RAB22A: variants seen among roughly 807,000 people sequenced by gnomAD.
The protein encoded by RAB22A is ras-related protein Rab-22A.
In RAB22A, 13 loss-of-function variants were observed where a neutral mutation model predicts 30.2. The ratio of observed to expected loss-of-function variants is 0.43; its 90% CI spans 0.28 to 0.68. The LOEUF is 0.68. RAB22A is among the 30% of genes least tolerant of loss of function. The pLI is 0.18. For synonymous variants in RAB22A, 89 were observed against 87.2 expected (o/e 1.02, Z -0.11); for missense variants, 177 against 246.8 (o/e 0.72, Z 1.89).
intron 3 of RAB22A, 78 bp downstream of exon 3, chr20:58,343,877 T>C: frequency 8.8e-7 from 1 of 1,141,848 alleles, no homozygotes; most frequent in Non-Finnish European, 1.3e-6. Flanking sequence ...ATCCCTGTCA[T>C]CTCACGTTAC....
intron 2 of RAB22A, among the ~76,000 whole-genome samples, chr20:58,316,647 A>G (rs982526702): frequency 2.0e-5 from 3 of 152,164 alleles, no homozygotes; most frequent in African/African-American, 7.2e-5. Flanking sequence ...CACGTGGGTG[A>G]GTCCTACTGC....
intron 2 of RAB22A, among the ~76,000 whole-genome samples, chr20:58,336,259 G>C (rs981192674): frequency 6.6e-6 from 1 of 152,124 alleles, no homozygotes; most frequent in African/African-American, 2.4e-5. Context: ...TGATCCACTC[G>C]CCTTGGCCTT....
chr20:58,343,152 CGTCAGGGG>C (rs1447545492), intron 2 of RAB22A, among the ~76,000 whole-genome samples: 1 of 152,062 alleles, frequency 6.6e-6, no homozygotes, highest in East Asian at 1.9e-4. Flanking sequence ...TGCAGGTGGT[CGTCAGGGG>C]CACTGATGAT....
chr20:58,320,982 C>T lies in RAB22A; in HGVS notation c.116+9860C>T, dbSNP rs144002212. ...CGAGGCGGGTAGATCATGGGGTCAA[C>T]AGATCGAGACCATCCTGGCCAACAT... On this transcript the variant is annotated intron_variant, in intron 2 of 6. Transcript: ENST00000244040. Among the ~76,000 whole-genome samples the T allele has an allele frequency of 9.3e-3, 1,415 of 151,776 alleles. 23 individuals are homozygous for T. The highest frequency in any genetic ancestry group is 0.031 in the Middle Eastern group (9 of 294).
intron 2 of RAB22A, among the ~76,000 whole-genome samples, chr20:58,313,963 G>T (rs940448468): frequency 2.0e-5 from 3 of 152,068 alleles, no homozygotes; most frequent in Non-Finnish European, 1.5e-5. Flanking sequence ...TGCTGACCCC[G>T]ATCTAGACAA....
chr20:58,322,687 A>G lies in RAB22A; in HGVS notation c.116+11565A>G, dbSNP rs149306072. 1.6e-4 allele frequency among the ~76,000 whole-genome samples: 25 copies of G among 152,352 alleles called. No individual in the cohort carries two copies. In the East Asian group the frequency reaches 4.6e-3, roughly 28 times the overall value. On this transcript the variant is annotated intron_variant, in intron 2 of 6. Coordinates refer to ENST00000244040, the MANE Select transcript of RAB22A (RefSeq NM_020673.3). The stretch of plus-strand genomic sequence containing the variant: ...TGTTCAAATAATAACAGTTTCACAT[A>G]TAAGAACCTCGCAAGAGCGTCCTTC...
chr20:58,334,589 T>C (rs1986713613), intron 2 of RAB22A, among the ~76,000 whole-genome samples: 2 of 152,076 alleles, frequency 1.3e-5, no homozygotes, highest in Non-Finnish European at 2.9e-5. Flanking sequence ...TGAGGAAACC[T>C]TCTGGTCATT....
intron 2 of RAB22A, among the ~76,000 whole-genome samples, chr20:58,340,297 A>T (rs556931169): frequency 6.6e-6 from 1 of 152,196 alleles, no homozygotes; most frequent in East Asian, 1.9e-4. Flanking sequence ...GTGGGCTAGA[A>T]GGAGTTGGAG....
rs1270750805 is a variant in RAB22A, at chr20:58,366,085, T to TCATTCC, written c.*6383_*6388dup. 1 of 151,648 alleles carries TCATTCC rather than the reference T, an allele frequency of 6.6e-6. No individual in the cohort carries two copies. Among genetic ancestry groups the TCATTCC allele is most frequent in the Non-Finnish European group, 1.5e-5 (1 of 68,046 alleles). 9.4% of individuals were successfully genotyped at this position (151,648 alleles called of 1,614,324 possible). A position where few individuals can be genotyped will look rare whatever the true frequency, so the allele number is the denominator to read the frequency against. On this transcript the variant is annotated 3_prime_UTR_variant, in exon 7 of 7. Coordinates refer to ENST00000244040, the MANE Select transcript of RAB22A (RefSeq NM_020673.3). ...TGTGAGTCACTCACATAATTGTCAATCATTCCTCTGACCTTCTTAAGAATT... is the reference window on the plus strand; with the variant it reads ...TGTGAGTCACTCACATAATTGTCAATCATTCCCATTCCTCTGACCTTCTTAAGAATT...
chr20:58,339,634 A>C (rs571055418), intron 2 of RAB22A, among the ~76,000 whole-genome samples: 18 of 152,358 alleles, frequency 1.2e-4, no homozygotes, highest in African/African-American at 4.3e-4. Context: ...TGCAAGTAAC[A>C]AAGGACAAAG....
At chr20:58,330,604 G>A (rs908310166) in intron 2 of RAB22A, among the ~76,000 whole-genome samples, 7 of 152,146 alleles carry the variant, frequency 4.6e-5, no homozygotes, top group African/African-American at 1.2e-4. Context: ...TTAAATTATG[G>A]GCTAATCATC....
chr20:58,358,421 GACC>G (rs1987169046), intron 6 of RAB22A, among the ~76,000 whole-genome samples: 1 of 152,176 alleles, frequency 6.6e-6, no homozygotes, highest in Non-Finnish European at 1.5e-5. Flanking sequence ...AGAATACCGT[GACC>G]TAGCTCTTCC....
chr20:58,312,492 T>C (rs1318221878), intron 2 of RAB22A, among the ~76,000 whole-genome samples: 2 of 112,368 alleles, frequency 1.8e-5, no homozygotes, highest in Non-Finnish European at 3.7e-5. Flanking sequence ...TTTTTTTTTT[T>C]TTTTTTTTTT....
intron 2 of RAB22A, among the ~76,000 whole-genome samples, chr20:58,322,581 ATTATC>A (rs1192234774): frequency 6.6e-6 from 1 of 152,064 alleles, no homozygotes; most frequent in African/African-American, 2.4e-5. Context: ...TATTTCCACT[ATTATC>A]TTGTTTACCT....
intron 2 of RAB22A, among the ~76,000 whole-genome samples, chr20:58,325,131 T>C (rs182422780): frequency 0.017 from 2,041 of 123,442 alleles, 25 homozygotes; most frequent in Middle Eastern, 0.024. Flanking sequence ...GAGCCGAGAT[T>C]ACACCACTGC....
rs545442073 is a variant in RAB22A, at chr20:58,310,165, C to G, written c.36+153C>G. On this transcript the variant is annotated intron_variant, in intron 1 of 6. Coordinates refer to ENST00000244040, the MANE Select transcript of RAB22A (RefSeq NM_020673.3). ...CCTCCCTCCAGCTCGGGAGCCGTCC[C>G]GCCCACCTCTTGCACTCTCGAAAAG... Among the ~76,000 whole-genome samples, 7 of 152,052 alleles carry G rather than the reference C, an allele frequency of 4.6e-5. No homozygotes were observed. In the South Asian group the frequency reaches 1.5e-3, roughly 32 times the overall value.
Position 58,353,491 on chromosome 20 carries a change from T to C in RAB22A, c.330T>C (p.Asn110=). The C allele has an allele frequency of 1.9e-6, 3 of 1,613,146 alleles. No homozygotes were observed. Among genetic ancestry groups the C allele is most frequent in the Non-Finnish European group, 1.7e-6 (2 of 1,179,062 alleles). ...VKELRQHGPP[N]IVVAIAGNKC... Reference sequence around the variant, plus strand: ...AGCTTCGACAGCATGGCCCACCTAATATTGTAGTTGCCATTGCAGGAAATA... The same window carrying C: ...AGCTTCGACAGCATGGCCCACCTAACATTGTAGTTGCCATTGCAGGAAATA... Residue 110 remains asparagine, a synonymous_variant, in exon 5 of 7, where the codon AAT becomes AAC. Coordinates refer to ENST00000244040, the MANE Select transcript of RAB22A (RefSeq NM_020673.3).
chr20:58,351,580 G>A lies in RAB22A; in HGVS notation c.199-1693G>A, dbSNP rs538288150. ...TGTAATCCCAGCACTTTGGGAGGCC[G>A]AGGCAGGTGGATCACCTGAAGTCGG... On this transcript the variant is annotated intron_variant, in intron 3 of 6. Coordinates refer to ENST00000244040, the MANE Select transcript of RAB22A (RefSeq NM_020673.3). Among the ~76,000 whole-genome samples the A allele has an allele frequency of 8.5e-5, 13 of 152,312 alleles. No homozygotes were observed. In the South Asian group the frequency reaches 1.0e-3, roughly 12 times the overall value.
intron 6 of RAB22A, among the ~76,000 whole-genome samples, chr20:58,356,527 A>G (rs1181492786): frequency 6.6e-6 from 1 of 152,210 alleles, no homozygotes; most frequent in South Asian, 2.1e-4. Flanking sequence ...GTATTGAAGT[A>G]TAATAGACAT....
Sources: allele counts gnomAD v4.1 joint callset (sites outside exome capture counted in the v4.1 genomes callset), GRCh38; gene constraint gnomAD v4.1.1; transcripts MANE v1.5; gene names NCBI Gene and HGNC (gene_info 2026-07-23, HGNC 2026-07-21).